Variants in CCDC171 observed in about 807,000 individuals in gnomAD.
CCDC171 encodes coiled-coil domain containing 171, also known as coiled-coil domain-containing protein 171.
A neutral mutation model predicts 168.2 loss-of-function variants in CCDC171; 177 were observed. That is an observed-to-expected ratio of 1.05 (90% CI 0.93 to 1.19). The LOEUF (loss-of-function observed/expected upper bound fraction) is 1.19, where lower values mean the gene tolerates loss of function less well. Among genes scored for constraint, CCDC171 ranks in the 50% most tolerant of loss-of-function variants. The probability of loss-of-function intolerance (pLI) is 0.00; values close to 1 mark genes in which losing one functional copy is unlikely to be tolerated. For missense variants in CCDC171, 1,991 were observed against 1,539.0 expected, an observed-to-expected ratio of 1.29 and a Z score of -4.91; for synonymous variants, 687 against 540.8, an observed-to-expected ratio of 1.27 and a Z score of -3.75.
chr9:16,069,699 A>T, the CCDC171 span, among the ~76,000 whole-genome samples: 6 of 152,230 alleles, frequency 3.9e-5, no homozygotes, highest in African/African-American at 1.4e-4. Context: ...TCACAGTGAG[A>T]GGAAACCTCT....
chr9:15,868,037 T>A (rs1327753922), intron 23 of CCDC171, among the ~76,000 whole-genome samples: 4 of 152,044 alleles, frequency 2.6e-5, no homozygotes, highest in African/African-American at 9.7e-5. Flanking sequence ...TTAATTGGGA[T>A]GTAGCCAGAT....
At chr9:15,612,759 C>A (rs1478414131) in intron 6 of CCDC171, among the ~76,000 whole-genome samples, 3 of 152,156 alleles carry the variant, frequency 2.0e-5, no homozygotes, top group African/African-American at 7.2e-5. Context: ...CCATGCCATT[C>A]TTTGCAATTT....
intron 7 of CCDC171, among the ~76,000 whole-genome samples, chr9:15,647,445 A>C (rs1010972805): frequency 2.6e-5 from 4 of 152,192 alleles, no homozygotes; most frequent in Non-Finnish European, 4.4e-5. Flanking sequence ...TCAAAAAATC[A>C]ATGAATTTAG....
chr9:15,925,512 C>T (rs970582649), intron 25 of CCDC171, among the ~76,000 whole-genome samples: 7 of 151,514 alleles, frequency 4.6e-5, no homozygotes, highest in Non-Finnish European at 1.5e-5. Flanking sequence ...AAGGAAAACT[C>T]ACTGAAAAAT....
Position 15,657,798 on chromosome 9 carries a change from C to A in CCDC171, c.915+579C>A, listed in dbSNP as rs1167065309. ...AATATAATAAAGAAAAGGATTAAAT[C>A]TGGGAGGGGAATTAAATGGAGGCCT... On this transcript the variant is annotated intron_variant, in intron 8 of 25. Coordinates refer to ENST00000380701, the MANE Select transcript of CCDC171 (RefSeq NM_173550.4). Among the ~76,000 whole-genome samples the A allele has an allele frequency of 2.0e-5, 3 of 152,054 alleles. No individual in the cohort carries two copies. In the East Asian group the frequency reaches 5.8e-4, roughly 29 times the overall value.
chr9:15,854,003 GGT>G (rs1491209194), intron 23 of CCDC171, among the ~76,000 whole-genome samples: 2 of 145,932 alleles, frequency 1.4e-5, no homozygotes, highest in African/African-American at 5.3e-5. Flanking sequence ...TGGTTTGCTA[GGT>G]TTTTTTTTTT....
chr9:15,804,673 A>G (rs1720840499), intron 21 of CCDC171, among the ~76,000 whole-genome samples: 1 of 152,104 alleles, frequency 6.6e-6, no homozygotes, highest in Non-Finnish European at 1.5e-5. Flanking sequence ...GATGTTCATT[A>G]AGAATATTAG....
intron 23 of CCDC171, 131 bp from the exon 24 acceptor site, chr9:15,874,401 C>G: frequency 1.5e-6 from 1 of 680,168 alleles, no homozygotes. Context: ...ATCAATTAGT[C>G]CTAAATTTAT....
chr9:15,816,861 T>C (rs1317957092), intron 21 of CCDC171, among the ~76,000 whole-genome samples: 1 of 119,000 alleles, frequency 8.4e-6, no homozygotes, highest in African/African-American at 3.2e-5. Context: ...ACTATTTTCT[T>C]GTTGGATATT....
chr9:15,643,058 C>CT (rs200889168), intron 7 of CCDC171, among the ~76,000 whole-genome samples: 21 of 151,156 alleles, frequency 1.4e-4, no homozygotes, highest in South Asian at 4.2e-4. Flanking sequence ...CCTTTATTTG[C>CT]TTTTTTTTTA....
intron 2 of CCDC171, among the ~76,000 whole-genome samples, chr9:15,571,047 G>A (rs1468159709): frequency 1.3e-5 from 2 of 152,100 alleles, no homozygotes; most frequent in African/African-American, 4.8e-5. Flanking sequence ...CATTTTCAAA[G>A]GTGTTGCCAA....
chr9:15,860,363 GC>G (rs1438533828), intron 23 of CCDC171, among the ~76,000 whole-genome samples: 1 of 151,092 alleles, frequency 6.6e-6, no homozygotes, highest in African/African-American at 2.4e-5. Context: ...AATCGTTTAT[GC>G]GACATCTTTC....
At position 15,724,838 on chromosome 9, in the gene CCDC171, A is replaced by C. The variant is rs1221519155; in HGVS notation, c.1554A>C (p.Ala518=). 2.3e-5 allele frequency: 37 copies of C among 1,613,906 alleles called. No homozygotes were observed. Among genetic ancestry groups the C allele is most frequent in the Non-Finnish European group, 3.0e-5 (35 of 1,179,812 alleles). ...TAAGTCATTTACACACTAAATGTGC[A>C]GACCGAGAGGCTTTAATAAGCACTT... ...KELSHLHTKC[A]DREALISTLK... Residue 518 remains alanine (A), a synonymous_variant, in exon 14 of 26, where the codon GCA becomes GCC. Coordinates refer to ENST00000380701, the MANE Select transcript of CCDC171 (RefSeq NM_173550.4).
At chr9:15,722,966 T>C (rs930164884) in intron 12 of CCDC171, among the ~76,000 whole-genome samples, 1 of 152,134 alleles carries the variant, frequency 6.6e-6, no homozygotes, top group Admixed American at 6.6e-5. Flanking sequence ...CCACAGCGAA[T>C]TGTTATTTGG....
chr9:16,067,448 C>CA, the CCDC171 span, among the ~76,000 whole-genome samples: 1 of 152,108 alleles, frequency 6.6e-6, no homozygotes, highest in Non-Finnish European at 1.5e-5. Context: ...TTTTGCTGTG[C>CA]AGAAGCTCTT....
chr9:15,814,615 G>A (rs764002625), intron 21 of CCDC171, among the ~76,000 whole-genome samples: 1 of 132,488 alleles, frequency 7.5e-6, no homozygotes, highest in East Asian at 2.0e-4. Context: ...TTTTTTCTGA[G>A]AAAAGTTAGA....
At position 15,723,759 on chromosome 9, in the gene CCDC171, A is replaced by G. The variant is rs766498874; in HGVS notation, c.1491+13A>G. 1.5e-6 allele frequency: 2 copies of G among 1,308,190 alleles called. No individual in the cohort carries two copies. The highest frequency in any genetic ancestry group is 1.3e-5 in the South Asian group (1 of 76,752). 81.0% of individuals were successfully genotyped at this position (1,308,190 alleles called of 1,614,324 possible). A position where few individuals can be genotyped will look rare whatever the true frequency, so the allele number is the denominator to read the frequency against. On this transcript the variant is annotated intron_variant, in intron 13 of 25. Transcript: ENST00000380701. ...TAAAAATATAAAGGTATTATTTAGA[A>G]TAACTTTTACCTTTTGTATTAAGAA...
rs761250868 is a variant in CCDC171, at chr9:15,591,431, A to G, written c.418A>G (p.Lys140Glu). 1.9e-6 allele frequency: 3 copies of G among 1,609,176 alleles called. No individual in the cohort carries two copies. The South Asian group carries it at 3.4e-5, about 18-fold the overall frequency. ...TEKAFQTSQQ[K>E]WKEECRRFEH... Reference sequence around the variant, plus strand: ...GAAAGCATTTCAGACTTCTCAGCAAAAATGGAAAGAAGAATGCAGAAGATT... The same window carrying G: ...GAAAGCATTTCAGACTTCTCAGCAAGAATGGAAAGAAGAATGCAGAAGATT... The change falls in exon 5 of 26, where the codon AAA becomes GAA. Residue 140 changes from lysine to glutamate, a missense_variant. Physicochemically the swap from Lys to Glu is moderately conservative, Grantham distance 56. Coordinates refer to ENST00000380701, the MANE Select transcript of CCDC171 (RefSeq NM_173550.4).
intron 3 of CCDC171, among the ~76,000 whole-genome samples, chr9:15,982,833 A>AG (rs1831845455): frequency 6.6e-6 from 1 of 152,152 alleles, no homozygotes; most frequent in South Asian, 2.1e-4. Flanking sequence ...CCAGAGAGAA[A>AG]GGGGTCTATG....
Sources: gnomAD v4.1 joint callset for allele counts (sites outside exome capture counted in the v4.1 genomes callset) on GRCh38, gnomAD v4.1.1 for gene constraint, MANE v1.5 for transcripts, NCBI Gene and HGNC (gene_info 2026-07-23, HGNC 2026-07-21) for gene names.